ROBO2: variants seen among roughly 807,000 people sequenced by gnomAD.
ROBO2 encodes the protein roundabout homolog 2.
ROBO2 carries 53 observed loss-of-function variants against 160.8 expected under a neutral mutation model. The ratio of observed to expected loss-of-function variants is 0.33; its 90% CI spans 0.26 to 0.41. ROBO2 has a LOEUF of 0.41. Ranked by LOEUF, ROBO2 falls within the 10% of genes least tolerant of loss-of-function variation. The pLI is 1.00. For synonymous variants in ROBO2, 664 were observed against 611.7 expected (o/e 1.09, Z -1.26); for missense variants, 1,577 against 1,722.4 (o/e 0.92, Z 1.49).
chr3:76,328,586 C>T (rs1281429531), intron 2 of ROBO2, among the ~76,000 whole-genome samples: 1 of 150,984 alleles, frequency 6.6e-6, no homozygotes, highest in Non-Finnish European at 1.5e-5. Flanking sequence ...ATTATCCAGG[C>T]GCGGTGGCTC....
chr3:77,389,953 G>A (rs1445872558), intron 2 of ROBO2, among the ~76,000 whole-genome samples: 4 of 152,132 alleles, frequency 2.6e-5, no homozygotes, highest in Non-Finnish European at 5.9e-5. Flanking sequence ...CATGTCAAAC[G>A]CATTCACTAG....
chr3:76,183,239 T>C (rs1346518007), intron 2 of ROBO2, among the ~76,000 whole-genome samples: 1 of 145,978 alleles, frequency 6.9e-6, no homozygotes, highest in African/African-American at 2.4e-5. Context: ...TCAGAGGTCC[T>C]GGAGACAGCA....
intron 2 of ROBO2, among the ~76,000 whole-genome samples, chr3:76,922,068 T>C (rs1365070417): frequency 3.9e-5 from 6 of 152,138 alleles, no homozygotes; most frequent in African/African-American, 1.4e-4. Flanking sequence ...TCCCAGCACT[T>C]TGGGAGACCA....
intron 2 of ROBO2, among the ~76,000 whole-genome samples, chr3:75,949,457 C>T (rs78388116): frequency 6.6e-6 from 1 of 152,084 alleles, no homozygotes; most frequent in Non-Finnish European, 1.5e-5. Context: ...TTACTGATTT[C>T]ACATGTCATG....
At chr3:76,378,460 T>C (rs2076456822) in intron 2 of ROBO2, among the ~76,000 whole-genome samples, 1 of 152,202 alleles carries the variant, frequency 6.6e-6, no homozygotes, top group African/African-American at 2.4e-5. Flanking sequence ...AATCCTTCTA[T>C]TTAAGAAACG....
At chr3:76,458,810 CA>C in intron 2 of ROBO2, among the ~76,000 whole-genome samples, 1 of 152,240 alleles carries the variant, frequency 6.6e-6, no homozygotes. Flanking sequence ...CTAGTAGACC[CA>C]TCAGATCTCA....
At chr3:77,249,976 A>C (rs2090160701) in intron 2 of ROBO2, among the ~76,000 whole-genome samples, 1 of 151,946 alleles carries the variant, frequency 6.6e-6, no homozygotes, top group Non-Finnish European at 1.5e-5. Flanking sequence ...ATCCAAAGTA[A>C]TTTTTTTCTA....
chr3:76,663,871 T>G (rs2091921026), intron 2 of ROBO2, among the ~76,000 whole-genome samples: 1 of 151,974 alleles, frequency 6.6e-6, no homozygotes, highest in Non-Finnish European at 1.5e-5. Context: ...GCCACTGCAC[T>G]TCTGCCTGGC....
chr3:76,585,078 C>T (rs1280343091), intron 2 of ROBO2, among the ~76,000 whole-genome samples: 1 of 152,144 alleles, frequency 6.6e-6, no homozygotes, highest in Non-Finnish European at 1.5e-5. Context: ...TAATAGCAAT[C>T]GCTAGCAATC....
At chr3:76,441,246 G>C (rs868309910) in intron 2 of ROBO2, among the ~76,000 whole-genome samples, 1 of 152,168 alleles carries the variant, frequency 6.6e-6, no homozygotes, top group Admixed American at 6.6e-5. Flanking sequence ...TTATCGAAGA[G>C]TTTCTAAGAA....
chr3:76,943,934 A>G (rs114098469), intron 2 of ROBO2, among the ~76,000 whole-genome samples: 1 of 152,354 alleles, frequency 6.6e-6, no homozygotes, highest in African/African-American at 2.4e-5. Context: ...CTAATAAATT[A>G]TACAATGATT....
At chr3:76,119,315 A>G (rs893186028) in intron 2 of ROBO2, among the ~76,000 whole-genome samples, 4 of 152,130 alleles carry the variant, frequency 2.6e-5, no homozygotes, top group African/African-American at 9.7e-5. Flanking sequence ...TCAAACAAAA[A>G]CAGTAGAACA....
At chr3:76,953,448 G>A (rs565837082) in intron 2 of ROBO2, among the ~76,000 whole-genome samples, 11 of 151,992 alleles carry the variant, frequency 7.2e-5, no homozygotes, top group Non-Finnish European at 1.5e-4. Flanking sequence ...AGCACTTGAG[G>A]GCATTGAACT....
chr3:76,450,396 CTT>C (rs2077415757), intron 2 of ROBO2, among the ~76,000 whole-genome samples: 1 of 152,096 alleles, frequency 6.6e-6, no homozygotes, highest in Non-Finnish European at 1.5e-5. Flanking sequence ...TTAATCAAAA[CTT>C]ATTTTTTTCT....
Position 76,897,420 on chromosome 3 carries a change from G to T in ROBO2, c.110-200594G>T, listed in dbSNP as rs142220181. 1.3e-3 allele frequency among the ~76,000 whole-genome samples: 195 copies of T among 152,158 alleles called. 1 individual carries two copies. The highest frequency in any genetic ancestry group is 3.5e-3 in the Admixed American group (53 of 15,250). On this transcript the variant is annotated intron_variant, in intron 2 of 26. Transcript: ENST00000487694. ...CATGAAAATGTTTAAGACACAGGAGGATCATCTTGAAAACGGCAAAACAGA... is the reference window on the plus strand; with the variant it reads ...CATGAAAATGTTTAAGACACAGGAGTATCATCTTGAAAACGGCAAAACAGA...
chr3:76,319,060 C>T (rs1318234176), intron 2 of ROBO2, among the ~76,000 whole-genome samples: 1 of 152,082 alleles, frequency 6.6e-6, no homozygotes, highest in Non-Finnish European at 1.5e-5. Context: ...AAACATATTA[C>T]ATCGAAAGGC....
intron 2 of ROBO2, among the ~76,000 whole-genome samples, chr3:77,270,012 A>G (rs1306476410): frequency 6.6e-6 from 1 of 152,246 alleles, no homozygotes; most frequent in Non-Finnish European, 1.5e-5. Context: ...TGTAAATTGA[A>G]TGTGTCAACT....
At chr3:75,965,898 C>G (rs1949092750) in intron 2 of ROBO2, among the ~76,000 whole-genome samples, 1 of 151,562 alleles carries the variant, frequency 6.6e-6, no homozygotes, top group Admixed American at 6.6e-5. Context: ...CTTAATCTAT[C>G]CAATTAAATG....
chr3:76,059,642 C>A (rs1436723463), intron 2 of ROBO2, among the ~76,000 whole-genome samples: 1 of 152,136 alleles, frequency 6.6e-6, no homozygotes, highest in African/African-American at 2.4e-5. Context: ...TGGGCAGAAG[C>A]TCTTTAGTTT....
Sources: gnomAD v4.1 joint callset for allele counts (sites outside exome capture counted in the v4.1 genomes callset) on GRCh38, gnomAD v4.1.1 for gene constraint, MANE v1.5 for transcripts, NCBI Gene and HGNC (gene_info 2026-07-23, HGNC 2026-07-21) for gene names.